Variants in DPYD observed in about 807,000 individuals in gnomAD.
The protein encoded by DPYD is dihydropyrimidine dehydrogenase, also known as dihydropyrimidine dehydrogenase [NADP(+)].
A neutral mutation model predicts 116.2 loss-of-function variants in DPYD; 109 were observed. The observed-to-expected ratio is 0.94, with a 90% CI of 0.80 to 1.10. The LOEUF (loss-of-function observed/expected upper bound fraction) is 1.10, where lower values mean the gene tolerates loss of function less well. Among genes scored for constraint, DPYD ranks in the 50% least tolerant of loss-of-function variants. DPYD has a pLI of 0.00. For missense variants in DPYD, 1,302 were observed against 1,254.5 expected, an observed-to-expected ratio of 1.04 and a Z score of -0.57; for synonymous variants, 440 against 432.0, an observed-to-expected ratio of 1.02 and a Z score of -0.23.
chr1:97,638,625 T>G (rs1433017033), intron 8 of DPYD, among the ~76,000 whole-genome samples: 1 of 152,136 alleles, frequency 6.6e-6, no homozygotes, highest in Non-Finnish European at 1.5e-5. Flanking sequence ...AAGAAGTTTA[T>G]TTGCCAATGC....
chr1:97,406,443 T>G (rs1673662653), intron 14 of DPYD, among the ~76,000 whole-genome samples: 1 of 152,076 alleles, frequency 6.6e-6, no homozygotes, highest in Non-Finnish European at 1.5e-5. Flanking sequence ...GGGGTATATG[T>G]GCAGAATGTG....
chr1:97,385,315 A>G (rs1481840096), intron 14 of DPYD, among the ~76,000 whole-genome samples: 33 of 122,686 alleles, frequency 2.7e-4, no homozygotes, highest in African/African-American at 8.1e-4. Flanking sequence ...AAAAAAAAAA[A>G]AAAGAGAGAG....
chr1:97,735,677 G>A (rs2101058343), intron 4 of DPYD, among the ~76,000 whole-genome samples: 1 of 144,400 alleles, frequency 6.9e-6, no homozygotes, highest in South Asian at 2.3e-4. Context: ...GACAGAGCAA[G>A]ACTCTGTCAT....
chr1:97,166,415 G>A (rs1426864260), intron 20 of DPYD, among the ~76,000 whole-genome samples: 2 of 152,070 alleles, frequency 1.3e-5, no homozygotes, highest in African/African-American at 4.8e-5. Context: ...GACCTACTGA[G>A]AGTGAGGGGT....
chr1:97,776,435 A>G (rs1666410908), intron 3 of DPYD, among the ~76,000 whole-genome samples: 1 of 152,182 alleles, frequency 6.6e-6, no homozygotes, highest in Non-Finnish European at 1.5e-5. Flanking sequence ...GGATGTTAGA[A>G]TATAGTGCGT....
intron 3 of DPYD, among the ~76,000 whole-genome samples, chr1:97,819,233 G>A (rs1029863162): frequency 4.6e-5 from 7 of 151,928 alleles, no homozygotes; most frequent in African/African-American, 1.7e-4. Flanking sequence ...CTTCTCTGCT[G>A]ATTTGGGGAG....
At chr1:97,575,807 G>A (rs112545831) in intron 10 of DPYD, among the ~76,000 whole-genome samples, 58 of 152,238 alleles carry the variant, frequency 3.8e-4, no homozygotes, top group Non-Finnish European at 5.3e-4. Context: ...CTCATTAATC[G>A]GTATGTGTGG....
chr1:97,631,333 T>C (rs1014865188), intron 8 of DPYD, among the ~76,000 whole-genome samples: 1 of 152,086 alleles, frequency 6.6e-6, no homozygotes, highest in East Asian at 1.9e-4. Flanking sequence ...TAGTTTATTT[T>C]CTCTTGTCAA....
intron 16 of DPYD, among the ~76,000 whole-genome samples, chr1:97,313,660 T>C (rs1310533489): frequency 6.6e-6 from 1 of 151,912 alleles, no homozygotes; most frequent in African/African-American, 2.4e-5. Context: ...TGGAATGCCC[T>C]TCATTTTTTG....
intron 8 of DPYD, among the ~76,000 whole-genome samples, chr1:97,640,190 A>T (rs1382472967): frequency 6.6e-6 from 1 of 152,196 alleles, no homozygotes; most frequent in Non-Finnish European, 1.5e-5. Context: ...TGTTTTTAAG[A>T]AAAAACTTCT....
At chr1:97,276,752 T>A (rs1386588040) in intron 18 of DPYD, among the ~76,000 whole-genome samples, 1 of 151,894 alleles carries the variant, frequency 6.6e-6, no homozygotes, top group Non-Finnish European at 1.5e-5. Context: ...TTATACACTG[T>A]TGGTGAGAAT....
chr1:97,368,197 T>G (rs965042749), intron 16 of DPYD, among the ~76,000 whole-genome samples: 1 of 152,060 alleles, frequency 6.6e-6, no homozygotes, highest in African/African-American at 2.4e-5. Flanking sequence ...AATAACACAG[T>G]TGGGAATACT....
chr1:97,361,244 A>G (rs1670708548), intron 16 of DPYD, among the ~76,000 whole-genome samples: 1 of 152,228 alleles, frequency 6.6e-6, no homozygotes, highest in Admixed American at 6.5e-5. Context: ...CCCTCTCAAG[A>G]CTAAACCAGG....
At chr1:97,247,689 T>C (rs544151627) in intron 18 of DPYD, among the ~76,000 whole-genome samples, 2 of 152,136 alleles carry the variant, frequency 1.3e-5, no homozygotes, top group Non-Finnish European at 2.9e-5. Context: ...CTACAGTTTC[T>C]AAAAATATAA....
At chr1:97,506,686 CTAAT>C (rs1647358586) in intron 13 of DPYD, among the ~76,000 whole-genome samples, 1 of 151,876 alleles carries the variant, frequency 6.6e-6, no homozygotes, top group African/African-American at 2.4e-5. Flanking sequence ...AAATGATTAA[CTAAT>C]TAACAGGTGT....
At chr1:97,761,904 A>T (rs2101129284) in intron 3 of DPYD, among the ~76,000 whole-genome samples, 1 of 152,128 alleles carries the variant, frequency 6.6e-6, no homozygotes, top group East Asian at 1.9e-4. Context: ...CACACACAGG[A>T]AAAGAAAATC....
intron 3 of DPYD, among the ~76,000 whole-genome samples, chr1:97,778,987 G>A (rs1004159497): frequency 2.0e-5 from 3 of 151,964 alleles, no homozygotes; most frequent in African/African-American, 7.2e-5. Context: ...AGAATATTCT[G>A]TTATAAAAAT....
At chr1:97,802,125 A>G (rs913624451) in intron 3 of DPYD, among the ~76,000 whole-genome samples, 5 of 151,922 alleles carry the variant, frequency 3.3e-5, no homozygotes, top group African/African-American at 9.7e-5. Context: ...GTAAAGACGT[A>G]GAGTCACGCT....
At chr1:97,677,439 AT>A (rs1660205524) in intron 8 of DPYD, among the ~76,000 whole-genome samples, 2 of 152,202 alleles carry the variant, frequency 1.3e-5, no homozygotes, top group Non-Finnish European at 2.9e-5. Context: ...CTGACCAAGC[AT>A]TTTTGATCAT....
Sources: allele counts gnomAD v4.1 joint callset (sites outside exome capture counted in the v4.1 genomes callset), GRCh38; gene constraint gnomAD v4.1.1; transcripts MANE v1.5; gene names NCBI Gene and HGNC (gene_info 2026-07-23, HGNC 2026-07-21).